Variants in KBTBD6 observed in about 807,000 individuals in gnomAD.
KBTBD6 encodes kelch repeat and BTB domain-containing protein 6.
KBTBD6 carries 6 observed loss-of-function variants against 34.4 expected under a neutral mutation model. The ratio of observed to expected loss-of-function variants is 0.17; its 90% CI spans 0.10 to 0.34. The LOEUF (loss-of-function observed/expected upper bound fraction) is 0.34, where lower values mean the gene tolerates loss of function less well. Among genes scored for constraint, KBTBD6 ranks in the 10% least tolerant of loss-of-function variants. The pLI is 1.00. For synonymous variants in KBTBD6, 288 were observed against 327.2 expected, an observed-to-expected ratio of 0.88 and a Z score of 1.29; for missense variants, 557 against 856.0, an observed-to-expected ratio of 0.65 and a Z score of 4.36.
In KBTBD6 at chr13:41,130,478, C is replaced by T; in HGVS notation, c.*9G>A. On this transcript the variant is annotated 3_prime_UTR_variant, in exon 1 of 1. Coordinates refer to ENST00000379485, the MANE Select transcript of KBTBD6 (RefSeq NM_152903.5). The surrounding 1 kb of genome is among the most constrained non-coding windows in gnomAD (Gnocchi z 4.8). Reference sequence around the variant, plus strand: ...CTAGTTACAACAAACCCTGTTGATCCTGTGCATTTCACTGAGGCGCTACAC... The same window carrying T: ...CTAGTTACAACAAACCCTGTTGATCTTGTGCATTTCACTGAGGCGCTACAC... 3 of 1,591,246 alleles carry T rather than the reference C, an allele frequency of 1.9e-6. No homozygotes were observed. Among genetic ancestry groups the T allele is most frequent in the Non-Finnish European group, 2.6e-6 (3 of 1,163,524 alleles).
Position 41,131,205 on chromosome 13 carries a change from T to C in KBTBD6, c.1307A>G (p.Tyr436Cys), listed in dbSNP as rs773373161. ...EGMDVAYLNGYIYILGGRDPI... is the reference protein window; with the variant it reads ...EGMDVAYLNGCIYILGGRDPI... Reference sequence around the variant, plus strand: ...GTCTCGCCCCCCCAAAATGTAGATATAGCCATTGAGATATGCCACATCCAT... The same window carrying C: ...GTCTCGCCCCCCCAAAATGTAGATACAGCCATTGAGATATGCCACATCCAT... The change falls in exon 1 of 1, where the codon TAT (tyrosine) becomes TGT (cysteine). Residue 436 changes from tyrosine to cysteine, a missense_variant. Physicochemically the swap from Tyr to Cys is radical, Grantham distance 194. Transcript: ENST00000379485. This position sits in a 1 kb window ranked among gnomAD's most constrained non-coding sequence, Gnocchi z 5.8. 5 of 1,614,200 alleles carry C rather than the reference T, an allele frequency of 3.1e-6. No homozygotes were observed. The highest frequency in any genetic ancestry group is 1.1e-5 in the South Asian group (1 of 91,082).
Position 41,132,103 on chromosome 13 carries a change from T to G in KBTBD6, c.409A>C (p.Ser137Arg). The G allele has an allele frequency of 6.2e-7, 1 of 1,614,224 alleles. No individual in the cohort carries two copies. The highest frequency in any genetic ancestry group is 8.5e-7 in the Non-Finnish European group (1 of 1,180,044). ...TACAGGCGCTCCACGTTGGCCTCAC[T>G]GAGAGACACACGACCCGTGTAGCAG... ...DYCYTGRVSL[S>R]EANVERLYAA... is the part of the protein sequence containing the mutation. The change falls in exon 1 of 1, where the codon AGT (serine) becomes CGT (arginine). Residue 137 changes from serine to arginine, a missense_variant. Physicochemically the swap from Ser to Arg is moderately radical, Grantham distance 110. Coordinates refer to ENST00000379485, the MANE Select transcript of KBTBD6 (RefSeq NM_152903.5).
In KBTBD6 at chr13:41,130,627, A is replaced by G; in HGVS notation, c.1885T>C (p.Phe629Leu). The change falls in exon 1 of 1, where the codon TTC (phenylalanine) becomes CTC (leucine). Residue 629 changes from phenylalanine (F) to leucine (L), a missense_variant. Physicochemically the swap from Phe to Leu is conservative, Grantham distance 22 (BLOSUM62 0). This residue lies in a region of KBTBD6 where 309 missense variants were observed against 504.5 expected (regional missense o/e 0.61). Coordinates refer to ENST00000379485, the MANE Select transcript of KBTBD6 (RefSeq NM_152903.5). The surrounding 1 kb of genome is among the most constrained non-coding windows in gnomAD (Gnocchi z 4.8). ...GGTATTTCTTCTTCTTCAGTGAGGA[A>G]ACTCTGACCAGGTTCAAGGCAGGAA... ...YPSCLEPGQSFLTEEEEIPSE... is the reference protein window; with the variant it reads ...YPSCLEPGQSLLTEEEEIPSE... 2 of 1,614,184 alleles carry G rather than the reference A, an allele frequency of 1.2e-6. No individual in the cohort carries two copies. The highest frequency in any genetic ancestry group is 1.7e-6 in the Non-Finnish European group (2 of 1,180,032).
chr13:41,130,272 A>G lies in KBTBD6; in HGVS notation c.*215T>C, dbSNP rs2030065340. ...ATCAAATAAATACTGGACCCTTAGC[A>G]CAGAAAATTATTAAAAGGTTGATTT... On this transcript the variant is annotated 3_prime_UTR_variant, in exon 1 of 1. Coordinates refer to ENST00000379485, the MANE Select transcript of KBTBD6 (RefSeq NM_152903.5). This position sits in a 1 kb window ranked among gnomAD's most constrained non-coding sequence, Gnocchi z 4.8. The G allele has an allele frequency of 2.0e-6, 1 of 495,724 alleles. No homozygotes were observed. Among genetic ancestry groups the G allele is most frequent in the African/African-American group, 1.9e-5 (1 of 51,880 alleles). 30.7% of individuals were successfully genotyped at this position (495,724 alleles called of 1,614,324 possible).
chr13:41,130,622 G>A lies in KBTBD6; in HGVS notation c.1890C>T (p.Leu630=). The A allele has an allele frequency of 6.2e-7, 1 of 1,614,196 alleles. No individual in the cohort carries two copies. Among genetic ancestry groups the A allele is most frequent in the Non-Finnish European group, 8.5e-7 (1 of 1,180,030 alleles). The change falls in exon 1 of 1, where the codon CTC becomes CTT. Residue 630 remains leucine (L), a synonymous_variant. Coordinates refer to ENST00000379485, the MANE Select transcript of KBTBD6 (RefSeq NM_152903.5). The surrounding 1 kb of genome is among the most constrained non-coding windows in gnomAD (Gnocchi z 4.8). ...CACTTGGTATTTCTTCTTCTTCAGT[G>A]AGGAAACTCTGACCAGGTTCAAGGC... ...PSCLEPGQSF[L]TEEEEIPSES... is the part of the protein sequence containing the mutation.
rs1292439710 is a variant in KBTBD6, at chr13:41,128,828, T to C, written c.*1659A>G. 4 of 256,332 alleles carry C rather than the reference T, an allele frequency of 1.6e-5. No individual in the cohort carries two copies. The highest frequency in any genetic ancestry group is 1.3e-4 in the East Asian group (2 of 15,722). 15.9% of individuals were successfully genotyped at this position (256,332 alleles called of 1,614,324 possible). ...AGACTTGGGCCACCATGCCCAGACA[T>C]ATTTTTTATTTTTGTAGAGATGGGG... On this transcript the variant is annotated 3_prime_UTR_variant, in exon 1 of 1. Transcript: ENST00000379485.
rs889307166 is a variant in KBTBD6 at position 41,130,268 on chromosome 13, T to C, written c.*219A>G. The C allele has an allele frequency of 8.2e-6, 4 of 488,572 alleles. No individual in the cohort carries two copies. Among genetic ancestry groups the C allele is most frequent in the Middle Eastern group, 1.1e-3 (2 of 1,872 alleles). The allele number at this position is 488,572 out of a possible 1,614,324, so 30.3% of individuals were successfully genotyped here. ...AATAATCAAATAAATACTGGACCCT[T>C]AGCACAGAAAATTATTAAAAGGTTG... On this transcript the variant is annotated 3_prime_UTR_variant, in exon 1 of 1. Coordinates refer to ENST00000379485, the MANE Select transcript of KBTBD6 (RefSeq NM_152903.5). The surrounding 1 kb of genome is among the most constrained non-coding windows in gnomAD (Gnocchi z 4.8).
In KBTBD6 at chr13:41,131,380, G is replaced by A. The variant is rs371214804; in HGVS notation, c.1132C>T (p.His378Tyr). 1.1e-5 allele frequency: 18 copies of A among 1,614,044 alleles called. No homozygotes were observed. The highest frequency in any genetic ancestry group is 1.5e-5 in the Non-Finnish European group (18 of 1,180,022). ...KVPSPLTCLAHTRTVTTLAVC... is the reference protein window; with the variant it reads ...KVPSPLTCLAYTRTVTTLAVC... Reference sequence around the variant, plus strand: ...GCTAAAGTGGTGACAGTCCTAGTGTGAGCCAGACAGGTCAAAGGTGACGGC... The same window carrying A: ...GCTAAAGTGGTGACAGTCCTAGTGTAAGCCAGACAGGTCAAAGGTGACGGC... Residue 378 changes from histidine to tyrosine, a missense_variant, in exon 1 of 1, where the codon CAC (histidine) becomes TAC (tyrosine). By Grantham distance (83) the His-to-Tyr change is moderately conservative. Coordinates refer to ENST00000379485, the MANE Select transcript of KBTBD6 (RefSeq NM_152903.5). The surrounding 1 kb of genome is among the most constrained non-coding windows in gnomAD (Gnocchi z 5.8).
chr13:41,130,549 CAG>C lies in KBTBD6; in HGVS notation c.1961_1962del (p.Ser654Ter), dbSNP rs767305811. On this transcript the variant is annotated frameshift_variant, in exon 1 of 1. Transcript: ENST00000379485. LOFTEE classifies it high-confidence loss of function. The surrounding 1 kb of genome is among the most constrained non-coding windows in gnomAD (Gnocchi z 4.8). ...GAAAGAGAACTTGAACTTCCTGACT[CAG>C]AGTCTGGCTCACTGAATCCACCTAA... ...WDLGGFSEPD[S>X]ESGSSSSLSD... is the part of the protein sequence containing the mutation. 1 of 1,614,184 alleles carries C rather than the reference CAG, an allele frequency of 6.2e-7. No individual in the cohort carries two copies. Among genetic ancestry groups the C allele is most frequent in the Non-Finnish European group, 8.5e-7 (1 of 1,180,036 alleles).
At position 41,132,387 on chromosome 13, in the gene KBTBD6, T is replaced by A. The variant is rs767813295; in HGVS notation, c.125A>T (p.Asp42Val). 6.2e-7 allele frequency: 1 copy of A among 1,614,200 alleles called. No individual in the cohort carries two copies. The highest frequency in any genetic ancestry group is 1.7e-5 in the Admixed American group (1 of 60,034). ...AFFTGPEELK[D>V]TAHSAALLAQ... The stretch of plus-strand genomic sequence containing the variant: ...CAGCAGGGCTGCAGAATGGGCCGTG[T>A]CCTTTAATTCCTCTGGACCCGTGAA... Residue 42 changes from aspartate to valine, a missense_variant, in exon 1 of 1, where the codon GAC becomes GTC. Asp to Val is a radical substitution (Grantham distance 152). Coordinates refer to ENST00000379485, the MANE Select transcript of KBTBD6 (RefSeq NM_152903.5).
Position 41,132,492 on chromosome 13 carries a change from G to A in KBTBD6, c.20C>T (p.Ala7Val), listed in dbSNP as rs200762614. The change falls in exon 1 of 1, where the codon GCC (alanine) becomes GTC (valine). Residue 7 changes from alanine to valine, a missense_variant. Physicochemically the swap from Ala to Val is moderately conservative, Grantham distance 64. Coordinates refer to ENST00000379485, the MANE Select transcript of KBTBD6 (RefSeq NM_152903.5). The part of the protein sequence containing the change: MQSRED[A>V]PRSRRLASPR... ...ACTGGCTAGGCGGCGAGAGCGCGGG[G>A]CGTCTTCCCGGGACTGCATGGTGGA... The A allele has an allele frequency of 6.3e-4, 1,011 of 1,614,074 alleles. 12 individuals carry two copies. In the East Asian group the frequency reaches 0.02, roughly 32 times the overall value.
Position 41,130,904 on chromosome 13 carries a change from G to C in KBTBD6, c.1608C>G (p.Val536=). Residue 536 remains valine (V), a synonymous_variant, in exon 1 of 1, where the codon GTC becomes GTG. Coordinates refer to ENST00000379485, the MANE Select transcript of KBTBD6 (RefSeq NM_152903.5). This position sits in a 1 kb window ranked among gnomAD's most constrained non-coding sequence, Gnocchi z 4.8. ...TCCATTCTGCCCTAACTGGGTTGTA[G>C]ACCTTCATGACTGGGATATCACAGA... The part of the protein sequence containing the change: ...YCICDIPVMK[V]YNPVRAEWRQ... 2 of 1,614,078 alleles carry C rather than the reference G, an allele frequency of 1.2e-6. No individual in the cohort carries two copies. The highest frequency in any genetic ancestry group is 2.2e-5 in the East Asian group (1 of 44,888).
chr13:41,132,508 G>C lies in KBTBD6; in HGVS notation c.4C>G (p.Gln2Glu), dbSNP rs561909232. ...GAGCGCGGGGCGTCTTCCCGGGACT[G>C]CATGGTGGAGATGGCGACGGGCGCT... Reference protein sequence around the residue: MQSREDAPRSRR... With the variant: MESREDAPRSRR... The change falls in exon 1 of 1, where the codon CAG becomes GAG. Residue 2 changes from glutamine (Q) to glutamate (E), a missense_variant. Coordinates refer to ENST00000379485, the MANE Select transcript of KBTBD6 (RefSeq NM_152903.5). 10 of 1,611,276 alleles carry C rather than the reference G, an allele frequency of 6.2e-6. No homozygotes were observed. In the South Asian group the frequency reaches 8.8e-5, roughly 14 times the overall value.
chr13:41,129,090 T>G lies in KBTBD6; in HGVS notation c.*1397A>C, dbSNP rs538782994. The G allele has an allele frequency of 6.5e-6, 1 of 152,676 alleles. No homozygotes were observed. Among genetic ancestry groups the G allele is most frequent in the Non-Finnish European group, 1.5e-5 (1 of 68,056 alleles). 9.5% of individuals were successfully genotyped at this position (152,676 alleles called of 1,614,324 possible). ...CACAGCTTTACAGTTTTAAAGTTCT[T>G]TGCTGGCACTTGACTTTATAGTTAA... On this transcript the variant is annotated 3_prime_UTR_variant, in exon 1 of 1. Coordinates refer to ENST00000379485, the MANE Select transcript of KBTBD6 (RefSeq NM_152903.5).
rs530191248 is a variant in KBTBD6, at chr13:41,127,600, C to T, written c.*2887G>A. On this transcript the variant is annotated 3_prime_UTR_variant, in exon 1 of 1. Transcript: ENST00000379485. ...TACCAGTTTTATTTATAATTAACCA[C>T]ATACAAATCACTTTTCTACAAAATA... is the stretch of plus-strand genomic sequence containing the variant. 6.6e-6 allele frequency: 1 copy of T among 152,260 alleles called. No individual in the cohort carries two copies. The highest frequency in any genetic ancestry group is 6.5e-5 in the Admixed American group (1 of 15,290). The allele number at this position is 152,260 out of a possible 1,614,324, so 9.4% of individuals were successfully genotyped here. A position where few individuals can be genotyped will look rare whatever the true frequency, so the allele number is the denominator to read the frequency against.
Position 41,132,128 on chromosome 13 carries a change from G to A in KBTBD6, c.384C>T (p.Tyr128=). 2 of 1,614,276 alleles carry A rather than the reference G, an allele frequency of 1.2e-6. No homozygotes were observed. The highest frequency in any genetic ancestry group is 1.1e-5 in the South Asian group (1 of 91,088). The stretch of plus-strand genomic sequence containing the variant: ...TGAGAGACACACGACCCGTGTAGCA[G>A]TAGTCGACCAACACCTCGAAGGACT... ...DAESFEVLVD[Y]CYTGRVSLSE... The change falls in exon 1 of 1, where the codon TAC becomes TAT. Residue 128 remains tyrosine (Y), a synonymous_variant. Coordinates refer to ENST00000379485, the MANE Select transcript of KBTBD6 (RefSeq NM_152903.5).
Position 41,132,249 on chromosome 13 carries a change from A to C in KBTBD6, c.263T>G (p.Val88Gly), listed in dbSNP as rs1448538333. ...GAAGTAGGGACATGCCGCGGCCAGCACATTGCGGTTGCAGGGGAACAGGCG... is the reference window on the plus strand; with the variant it reads ...GAAGTAGGGACATGCCGCGGCCAGCCCATTGCGGTTGCAGGGGAACAGGCG... ...TGRLFPCNRNVLAAACPYFKS... is the reference protein window; with the variant it reads ...TGRLFPCNRNGLAAACPYFKS... The change falls in exon 1 of 1, where the codon GTG (valine) becomes GGG (glycine). Residue 88 changes from valine (V) to glycine (G), a missense_variant. Coordinates refer to ENST00000379485, the MANE Select transcript of KBTBD6 (RefSeq NM_152903.5). The C allele has an allele frequency of 6.2e-7, 1 of 1,614,254 alleles. No individual in the cohort carries two copies.
chr13:41,130,198 ATG>A lies in KBTBD6; in HGVS notation c.*287_*288del, dbSNP rs2030064199. ...CTTGTGGCAGTAAACAGAATGTAAA[ATG>A]TATCAAAAGACTAAATTAGTGTCAT... On this transcript the variant is annotated 3_prime_UTR_variant, in exon 1 of 1. Transcript: ENST00000379485. The surrounding 1 kb of genome is among the most constrained non-coding windows in gnomAD (Gnocchi z 4.8). The A allele has an allele frequency of 3.9e-6, 1 of 259,740 alleles. No individual in the cohort carries two copies. The highest frequency in any genetic ancestry group is 2.2e-5 in the African/African-American group (1 of 44,820). The allele number at this position is 259,740 out of a possible 1,614,324, so 16.1% of individuals were successfully genotyped here.
At position 41,131,137 on chromosome 13, in the gene KBTBD6, C is replaced by T; in HGVS notation, c.1375G>A (p.Val459Ile). ...ACCAATGCCCACTGGTTTCTCTTAA[C>T]ATTGTAGCATTCCACTTCCTTCAAC... is the stretch of plus-strand genomic sequence containing the variant. ...VKLKEVECYNVKRNQWALVAP... is the reference protein window; with the variant it reads ...VKLKEVECYNIKRNQWALVAP... Residue 459 changes from valine to isoleucine, a missense_variant, in exon 1 of 1, where the codon GTT becomes ATT. By Grantham distance (29) the Val-to-Ile change is conservative. This residue lies in a region of KBTBD6 where 309 missense variants were observed against 504.5 expected (regional missense o/e 0.61). Coordinates refer to ENST00000379485, the MANE Select transcript of KBTBD6 (RefSeq NM_152903.5). This position sits in a 1 kb window ranked among gnomAD's most constrained non-coding sequence, Gnocchi z 5.8. 6.2e-7 allele frequency: 1 copy of T among 1,614,204 alleles called. No individual in the cohort carries two copies. Among genetic ancestry groups the T allele is most frequent in the Non-Finnish European group, 8.5e-7 (1 of 1,180,040 alleles).
Sources: gnomAD v4.1 joint callset for allele counts on GRCh38, gnomAD v4.1.1 for gene constraint, gnomAD v4.1.1 regional missense constraint, Gnocchi (gnomAD v3.1) non-coding constraint, MANE v1.5 for transcripts, NCBI Gene and HGNC (gene_info 2026-07-23, HGNC 2026-07-21) for gene names.